The following ANKMY1 variants were observed in gnomAD, a reference collection of about 807,000 sequenced individuals.
ANKMY1 encodes the protein ankyrin repeat and MYND domain containing 1, also known as ankyrin repeat and MYND domain-containing protein 1.
In ANKMY1, 98 loss-of-function variants were observed where a neutral mutation model predicts 102.0. That is an observed-to-expected ratio of 0.96 (90% CI 0.82 to 1.14). The LOEUF (loss-of-function observed/expected upper bound fraction) is 1.14, where lower values mean the gene tolerates loss of function less well. Among genes scored for constraint, ANKMY1 ranks in the 50% most tolerant of loss-of-function variants. The pLI is 0.00. For missense variants in ANKMY1, 1,330 were observed against 1,347.6 expected (o/e 0.99, Z 0.20); for synonymous variants, 582 against 559.9 (o/e 1.04, Z -0.56).
At chr2:240,486,610 C>CG (rs2076089538) in intron 15 of ANKMY1, among the ~76,000 whole-genome samples, 1 of 152,216 alleles carries the variant, frequency 6.6e-6, no homozygotes, top group Non-Finnish European at 1.5e-5. Flanking sequence ...TGCAAGTTAA[C>CG]TTGCTGGATA....
At chr2:240,533,416 A>C (rs1054308195) in intron 4 of ANKMY1, among the ~76,000 whole-genome samples, 1 of 152,246 alleles carries the variant, frequency 6.6e-6, no homozygotes, top group Admixed American at 6.5e-5. Flanking sequence ...ATATAATTTA[A>C]AATTTTTACA....
At chr2:240,485,490 T>C (rs912737160) in intron 15 of ANKMY1, among the ~76,000 whole-genome samples, 3 of 152,258 alleles carry the variant, frequency 2.0e-5, no homozygotes, top group Non-Finnish European at 1.5e-5. Context: ...AAGTGGATTA[T>C]TGTTAATGTA....
chr2:240,505,944 G>T (rs1381996707), intron 13 of ANKMY1, among the ~76,000 whole-genome samples: 1 of 152,162 alleles, frequency 6.6e-6, no homozygotes. Context: ...TTAAAAAAAG[G>T]AGCCCTTCCC....
At chr2:240,521,876 T>C (rs1170612078) in intron 8 of ANKMY1, 2 of 152,232 alleles carry the variant, frequency 1.3e-5, no homozygotes, top group Non-Finnish European at 2.9e-5. Flanking sequence ...ACTTCAAGAA[T>C]GAAGCTGTGG....
chr2:240,519,110 A>G (rs1307217409), intron 9 of ANKMY1, among the ~76,000 whole-genome samples: 1 of 152,246 alleles, frequency 6.6e-6, no homozygotes, highest in African/African-American at 2.4e-5. Flanking sequence ...AGCCAAGTGG[A>G]CAGAAGCCCA....
the ANKMY1 span, among the ~76,000 whole-genome samples, chr2:240,469,737 C>T: frequency 7.9e-5 from 12 of 152,160 alleles, no homozygotes; most frequent in African/African-American, 2.4e-4. Flanking sequence ...TATCCATACA[C>T]GTGCACACAC....
Position 240,511,996 on chromosome 2 carries a change from G to A in ANKMY1, c.2151C>T (p.Asp717=). The change falls in exon 11 of 18, where the codon GAC becomes GAT. Residue 717 remains aspartate, a synonymous_variant. Transcript: ENST00000401804. ...TGAGCTTCAGACTTGAGGGCAGCAG[G>A]TCCAGCTGTGTAAAACGGAGGGCTC... The part of the protein sequence containing the change: ...EDDTYKPGKL[D]LLPSSLKLSN... The A allele has an allele frequency of 1.3e-6, 2 of 1,548,250 alleles. No individual in the cohort carries two copies. The highest frequency in any genetic ancestry group is 8.6e-7 in the Non-Finnish European group (1 of 1,157,738).
At chr2:240,509,311 A>T in intron 12 of ANKMY1, 37 bp downstream of exon 12, 1 of 1,552,028 alleles carries the variant, frequency 6.4e-7, no homozygotes, top group Non-Finnish European at 8.8e-7. Flanking sequence ...ACGGAAACAC[A>T]TAGGTGCACA....
In ANKMY1 at chr2:240,498,845, C is replaced by T. The variant is rs533686855; in HGVS notation, c.2806+1113G>A. Reference sequence around the variant, plus strand: ...AGTTTAGAAGAGCCTGGGACACCCCCGCCTTCTCTCTCTCCCTCTCTCTCT... The same window carrying T: ...AGTTTAGAAGAGCCTGGGACACCCCTGCCTTCTCTCTCTCCCTCTCTCTCT... On this transcript the variant is annotated intron_variant, in intron 15 of 17. Coordinates refer to ENST00000401804, the MANE Select transcript of ANKMY1 (RefSeq NM_001282771.3). Among the ~76,000 whole-genome samples the T allele has an allele frequency of 2.4e-3, 366 of 152,184 alleles. 1 individual carries two copies. Among genetic ancestry groups the T allele is most frequent in the African/African-American group, 7.2e-3 (300 of 41,504 alleles).
At chr2:240,476,267 G>A (rs766935490), downstream of ANKMY1, among the ~76,000 whole-genome samples, 4 of 152,166 alleles carry the variant, frequency 2.6e-5, no homozygotes, top group East Asian at 1.9e-4. Context: ...AGCAAATGGC[G>A]CTTGGAAAGT....
At chr2:240,512,713 G>A (rs2080452289) in intron 10 of ANKMY1, 89 bp downstream of exon 10, 7 of 1,446,092 alleles carry the variant, frequency 4.8e-6, no homozygotes, top group East Asian at 2.7e-5. Flanking sequence ...CATCATGCTC[G>A]GCAAGCACAG....
At chr2:240,545,537 A>C (rs1345389566) in intron 4 of ANKMY1, among the ~76,000 whole-genome samples, 3 of 152,276 alleles carry the variant, frequency 2.0e-5, no homozygotes, top group Admixed American at 6.5e-5. Context: ...TGAGAGAAGA[A>C]GGCTTCAGAC....
intron 4 of ANKMY1, among the ~76,000 whole-genome samples, chr2:240,548,273 T>A (rs1444108198): frequency 6.6e-6 from 1 of 152,182 alleles, no homozygotes; most frequent in Non-Finnish European, 1.5e-5. Context: ...CACATGATTA[T>A]CTCACTAGAT....
chr2:240,532,001 G>A, intron 4 of ANKMY1: 2 of 375,938 alleles, frequency 5.3e-6, no homozygotes, highest in Admixed American at 3.4e-5. Flanking sequence ...AGACATAGAG[G>A]GTATTGTGAG....
rs146538328 is a variant in ANKMY1 at position 240,526,332 on chromosome 2, G to A, written c.1067C>T (p.Ala356Val). The change falls in exon 6 of 18, where the codon GCT (alanine) becomes GTT (valine). Residue 356 changes from alanine to valine, a missense_variant. Ala to Val is a moderately conservative substitution (Grantham distance 64). Transcript: ENST00000401804. ...EQLSMEMILK[A>V]EEGNHEWICR... is the part of the protein sequence containing the mutation. ...AATCCATTCGTGGTTCCCTTCCTCA[G>A]CCTTTAGGATCATCTCCATGGAAAG... is the stretch of plus-strand genomic sequence containing the variant. 2.1e-4 allele frequency: 345 copies of A among 1,614,234 alleles called. 3 individuals are homozygous for A. In the South Asian group the frequency reaches 3.3e-3, roughly 15 times the overall value.
rs781268036 is a variant in ANKMY1, at chr2:240,524,033, A to G, written c.1684T>C (p.Cys562Arg). ...SAETKFESNV[C>R]VCDFSIELSQ... is the part of the protein sequence containing the mutation. ...AGCTCGATGGAGAAGTCGCACACAC[A>G]CACGTTGGACTCAAATTTCGTCTCA... is the stretch of plus-strand genomic sequence containing the variant. The change falls in exon 8 of 18, where the codon TGT becomes CGT. Residue 562 changes from cysteine (C) to arginine (R), a missense_variant. Physicochemically the swap from Cys to Arg is radical, Grantham distance 180. Coordinates refer to ENST00000401804, the MANE Select transcript of ANKMY1 (RefSeq NM_001282771.3). 5.6e-6 allele frequency: 9 copies of G among 1,613,882 alleles called. No homozygotes were observed. The South Asian group carries it at 8.8e-5, about 16-fold the overall frequency.
At chr2:240,470,956 G>C in the ANKMY1 span, among the ~76,000 whole-genome samples, 1 of 152,150 alleles carries the variant, frequency 6.6e-6, no homozygotes, top group Admixed American at 6.5e-5. Flanking sequence ...TACCCTCTCA[G>C]GATAGAAGCT....
At chr2:240,531,281 T>G (rs927492927) in intron 4 of ANKMY1, among the ~76,000 whole-genome samples, 23 of 152,224 alleles carry the variant, frequency 1.5e-4, no homozygotes, top group African/African-American at 4.6e-4. Context: ...CTTTCGTATC[T>G]TGATGACTAA....
chr2:240,523,692 G>T (rs902258955), intron 8 of ANKMY1, 193 bp downstream of exon 8: 1 of 936,428 alleles, frequency 1.1e-6, no homozygotes, highest in Non-Finnish European at 1.5e-6. Flanking sequence ...ACTGAAAACA[G>T]CCCGTCACCG....
Sources: allele counts gnomAD v4.1 joint callset (sites outside exome capture counted in the v4.1 genomes callset), GRCh38; gene constraint gnomAD v4.1.1; transcripts MANE v1.5; gene names NCBI Gene and HGNC (gene_info 2026-07-23, HGNC 2026-07-21).